Variants in COMMD1 observed in about 807,000 individuals in gnomAD.
COMMD1 encodes copper metabolism domain containing 1.
A neutral mutation model predicts 17.2 loss-of-function variants in COMMD1; 10 were observed. The observed-to-expected ratio is 0.58, with a 90% CI of 0.36 to 0.99. The LOEUF (loss-of-function observed/expected upper bound fraction) is 0.99, where lower values mean the gene tolerates loss of function less well. COMMD1 is among the 50% of genes least tolerant of loss of function. The pLI is 0.01. For synonymous variants in COMMD1, 97 were observed against 91.6 expected, an observed-to-expected ratio of 1.06 and a Z score of -0.34; for missense variants, 270 against 231.8, an observed-to-expected ratio of 1.17 and a Z score of -1.07.
At chr2:61,951,476 A>G (rs1018879904) in intron 1 of COMMD1, among the ~76,000 whole-genome samples, 7 of 151,600 alleles carry the variant, frequency 4.6e-5, no homozygotes, top group Admixed American at 1.3e-4. Flanking sequence ...AAAAAAAAAA[A>G]TCTTTCTGCA....
chr2:62,011,888 C>T (rs1487097439), intron 2 of COMMD1, among the ~76,000 whole-genome samples: 1 of 152,080 alleles, frequency 6.6e-6, no homozygotes, highest in Non-Finnish European at 1.5e-5. Context: ...GAAATAAGAA[C>T]AACAAAAAAG....
intron 1 of COMMD1, among the ~76,000 whole-genome samples, chr2:61,998,409 G>A (rs1202425045): frequency 6.6e-6 from 1 of 151,914 alleles, no homozygotes; most frequent in East Asian, 1.9e-4. Context: ...ACAGGCGTGC[G>A]CCACTACGCC....
At chr2:61,888,967 C>T (rs1219260904) in intron 1 of COMMD1, 4 of 150,394 alleles carry the variant, frequency 2.7e-5, no homozygotes, top group African/African-American at 1.0e-4. Flanking sequence ...TGCAGTGGCG[C>T]AAAATCTCGG....
At chr2:62,085,515 C>CT (rs1372753969) in intron 2 of COMMD1, among the ~76,000 whole-genome samples, 11 of 152,004 alleles carry the variant, frequency 7.2e-5, no homozygotes, top group Non-Finnish European at 1.0e-4. Flanking sequence ...CCATGCCTGG[C>CT]TTATAGTTTG....
chr2:61,922,824 A>G (rs1400824543), intron 1 of COMMD1, among the ~76,000 whole-genome samples: 1 of 152,256 alleles, frequency 6.6e-6, no homozygotes, highest in Non-Finnish European at 1.5e-5. Context: ...AAAGGGGGAC[A>G]CACATCTGTT....
intron 2 of COMMD1, among the ~76,000 whole-genome samples, chr2:62,035,655 C>T (rs930471420): frequency 6.7e-6 from 1 of 150,152 alleles, no homozygotes. Context: ...GGGAGGATCT[C>T]TTGAGCCCAG....
chr2:62,009,878 C>A (rs1004036795), intron 2 of COMMD1, among the ~76,000 whole-genome samples: 10 of 151,982 alleles, frequency 6.6e-5, no homozygotes, highest in Non-Finnish European at 1.3e-4. Context: ...CTTGTGAATT[C>A]TAGTGAATGG....
At chr2:61,902,005 G>A (rs1345665297), upstream of COMMD1, among the ~76,000 whole-genome samples, 1 of 151,758 alleles carries the variant, frequency 6.6e-6, no homozygotes, top group East Asian at 2.0e-4. Context: ...GCTAATTTTT[G>A]TATTTTTAGT....
chr2:62,029,729 A>G (rs1394885415), intron 2 of COMMD1, among the ~76,000 whole-genome samples: 1 of 152,186 alleles, frequency 6.6e-6, no homozygotes, highest in African/African-American at 2.4e-5. Context: ...TGACACCTGT[A>G]TTTCCTGTTA....
In COMMD1 at chr2:62,101,601, C is replaced by T. The variant is rs138335868; in HGVS notation, c.463-34230C>T. ...CTCCACCCTGGGTGACAGAACAAGA[C>T]CCTGTCTCTCTCTCTCTCTATATAT... On this transcript the variant is annotated intron_variant, in intron 2 of 2. Coordinates refer to ENST00000311832, the MANE Select transcript of COMMD1 (RefSeq NM_152516.4). Among the ~76,000 whole-genome samples the T allele has an allele frequency of 1.3e-4, 20 of 149,160 alleles. No homozygotes were observed. The East Asian group carries it at 3.3e-3, about 25-fold the overall frequency.
chr2:61,888,483 T>C (rs756874495), upstream of COMMD1: 48 of 1,611,964 alleles, frequency 3.0e-5, 2 homozygotes, highest in South Asian at 4.7e-4. Flanking sequence ...GTCGCCCCGC[T>C]CCGGGGTGCC....
At chr2:62,081,867 TTA>T (rs1348137154) in intron 2 of COMMD1, among the ~76,000 whole-genome samples, 1 of 152,240 alleles carries the variant, frequency 6.6e-6, no homozygotes, top group African/African-American at 2.4e-5. Flanking sequence ...TCTTATGCTT[TTA>T]TTTGAGGTTT....
intron 2 of COMMD1, among the ~76,000 whole-genome samples, chr2:62,044,633 T>C (rs1022246580): frequency 3.3e-5 from 5 of 152,176 alleles, no homozygotes; most frequent in Non-Finnish European, 7.3e-5. Flanking sequence ...GATTTAAGGA[T>C]TGGGATTAGT....
At chr2:62,093,122 A>C (rs563862096) in intron 2 of COMMD1, among the ~76,000 whole-genome samples, 1 of 152,282 alleles carries the variant, frequency 6.6e-6, no homozygotes, top group East Asian at 1.9e-4. Flanking sequence ...AATTTTCCCA[A>C]CTGTTAAGGT....
At chr2:62,059,900 A>C (rs1029760558) in intron 2 of COMMD1, among the ~76,000 whole-genome samples, 1 of 151,884 alleles carries the variant, frequency 6.6e-6, no homozygotes, top group African/African-American at 2.4e-5. Context: ...TTCTGTTTTT[A>C]TTCCTGTTTA....
chr2:62,077,028 G>A (rs1314456751), intron 2 of COMMD1, among the ~76,000 whole-genome samples: 1 of 152,188 alleles, frequency 6.6e-6, no homozygotes, highest in Non-Finnish European at 1.5e-5. Context: ...CTACTTGGGA[G>A]GCTGAGGTGG....
chr2:62,072,114 A>G (rs1323741966), intron 2 of COMMD1, among the ~76,000 whole-genome samples: 1 of 151,986 alleles, frequency 6.6e-6, no homozygotes, highest in Non-Finnish European at 1.5e-5. Flanking sequence ...CACTATATAT[A>G]TTTATATGTA....
chr2:62,041,247 T>G (rs1164614201), intron 2 of COMMD1, among the ~76,000 whole-genome samples: 4 of 152,236 alleles, frequency 2.6e-5, no homozygotes, highest in African/African-American at 9.6e-5. Context: ...AATTAATCCA[T>G]TTCTACTCTC....
At chr2:61,933,758 GTTTTTCTT>G (rs989961439) in intron 1 of COMMD1, among the ~76,000 whole-genome samples, 4 of 127,474 alleles carry the variant, frequency 3.1e-5, no homozygotes, top group African/African-American at 1.5e-4. Context: ...AGCAACTTTT[GTTTTTCTT>G]TTTTTCTTTT....
Sources: allele counts gnomAD v4.1 joint callset (sites outside exome capture counted in the v4.1 genomes callset), GRCh38; gene constraint gnomAD v4.1.1; transcripts MANE v1.5; gene names NCBI Gene and HGNC (gene_info 2026-07-23, HGNC 2026-07-21).